CCDC183: variants seen among roughly 807,000 people sequenced by gnomAD.
CCDC183 encodes the protein coiled-coil domain-containing protein 183.
Under a neutral mutation model 65.2 loss-of-function variants are expected in CCDC183, and 63 were observed. The ratio of observed to expected loss-of-function variants is 0.97; its 90% CI spans 0.79 to 1.19. The LOEUF is 1.19. Among genes scored for constraint, CCDC183 ranks in the 50% most tolerant of loss-of-function variants. The pLI, the probability that CCDC183 is intolerant of heterozygous loss-of-function variation, is 0.00. For missense variants in CCDC183, 769 were observed against 689.3 expected (o/e 1.12, Z -1.30); for synonymous variants, 323 against 276.5 (o/e 1.17, Z -1.67).
At position 136,804,997 on chromosome 9, in the gene CCDC183, C is replaced by A; in HGVS notation, c.847+181C>A. The stretch of plus-strand genomic sequence containing the variant: ...GAGAGCCTGTAGCCAAATGTGGCCT[C>A]AGAGATGCTGGCCCCAGCACCCAAG... On this transcript the variant is annotated intron_variant, in intron 8 of 13. Coordinates refer to ENST00000338005, the MANE Select transcript of CCDC183 (RefSeq NM_001039374.5). This position sits in a 1 kb window ranked among gnomAD's most constrained non-coding sequence, Gnocchi z 4.1. The A allele has an allele frequency of 1.6e-6, 1 of 622,340 alleles. No individual in the cohort carries two copies. The highest frequency in any genetic ancestry group is 2.8e-4 in the Middle Eastern group (1 of 3,566). The allele number at this position is 622,340 out of a possible 1,614,324, so 38.6% of individuals were successfully genotyped here.
In CCDC183 at chr9:136,804,205, C is replaced by T; in HGVS notation, c.667-297C>T. 2.7e-6 allele frequency: 1 copy of T among 368,618 alleles called. No individual in the cohort carries two copies. Among genetic ancestry groups the T allele is most frequent in the East Asian group, 5.4e-5 (1 of 18,422 alleles). The allele number at this position is 368,618 out of a possible 1,614,324, so 22.8% of individuals were successfully genotyped here. A position where few individuals can be genotyped will look rare whatever the true frequency, so the allele number is the denominator to read the frequency against. ...GGAAGAGGATGAATCTGTCTTCAGG[C>T]AGGCTGAATGCACTTCCGTGAGTTC... On this transcript the variant is annotated intron_variant, in intron 6 of 13. Coordinates refer to ENST00000338005, the MANE Select transcript of CCDC183 (RefSeq NM_001039374.5). The surrounding 1 kb of genome is among the most constrained non-coding windows in gnomAD (Gnocchi z 4.1).
chr9:136,806,333 C>T lies in CCDC183; in HGVS notation c.1109+95C>T, dbSNP rs956625424. On this transcript the variant is annotated intron_variant, in intron 10 of 13. Coordinates refer to ENST00000338005, the MANE Select transcript of CCDC183 (RefSeq NM_001039374.5). ...TGGGAGCTGGGAGTATACCCACTGC[C>T]AACAAGCCTGTGTGTCCCACAGAGG... The T allele has an allele frequency of 5.4e-5, 77 of 1,423,080 alleles. No individual in the cohort carries two copies. The African/African-American group carries it at 1.0e-3, about 18-fold the overall frequency. The allele number at this position is 1,423,080 out of a possible 1,614,324, so 88.2% of individuals were successfully genotyped here.
At position 136,804,761 on chromosome 9, in the gene CCDC183, G is replaced by A; in HGVS notation, c.793-1G>A. On this transcript the variant is annotated splice_acceptor_variant, in intron 7 of 13. Transcript: ENST00000338005. LOFTEE classifies it high-confidence loss of function. This position sits in a 1 kb window ranked among gnomAD's most constrained non-coding sequence, Gnocchi z 4.1. The stretch of plus-strand genomic sequence containing the variant: ...CCTTCCCCGCCCCCACCTCCCATCA[G>A]GGCCAGATGGACTTGGACTTCCCCT... The A allele has an allele frequency of 6.2e-7, 1 of 1,613,608 alleles. No individual in the cohort carries two copies. Among genetic ancestry groups the A allele is most frequent in the Non-Finnish European group, 8.5e-7 (1 of 1,179,834 alleles).
chr9:136,799,496 G>T, intron 2 of CCDC183: 1 of 681,288 alleles, frequency 1.5e-6, no homozygotes, highest in South Asian at 1.9e-5. Flanking sequence ...GCCAGCTAGG[G>T]GACACCCAGG....
chr9:136,799,572 G>T, intron 2 of CCDC183, 141 bp from the exon 3 acceptor site: 1 of 770,426 alleles, frequency 1.3e-6, no homozygotes, highest in South Asian at 1.7e-5. Context: ...GGGTCCCGCG[G>T]CTCTCTGCTC....
At chr9:136,796,888 A>G (rs1272651675) in intron 1 of CCDC183, among the ~76,000 whole-genome samples, 2 of 152,202 alleles carry the variant, frequency 1.3e-5, no homozygotes, top group Non-Finnish European at 1.5e-5. Context: ...CCACTGAGAC[A>G]GCCTGAGATA....
intron 6 of CCDC183, 81 bp downstream of exon 6, chr9:136,802,867 C>T (rs1847760849): frequency 7.3e-6 from 3 of 410,734 alleles, no homozygotes; most frequent in Admixed American, 4.2e-5. Context: ...GAGCTCAGGG[C>T]CCAGGGCTGG....
chr9:136,804,530 T>C lies in CCDC183; in HGVS notation c.695T>C (p.Phe232Ser). 1 of 1,613,178 alleles carries C rather than the reference T, an allele frequency of 6.2e-7. No individual in the cohort carries two copies. Among genetic ancestry groups the C allele is most frequent in the Middle Eastern group, 1.7e-4 (1 of 6,060 alleles). The change falls in exon 7 of 14, where the codon TTC (phenylalanine) becomes TCC (serine). Residue 232 changes from phenylalanine to serine, a missense_variant. By Grantham distance (155) the Phe-to-Ser change is radical (BLOSUM62 -2). Coordinates refer to ENST00000338005, the MANE Select transcript of CCDC183 (RefSeq NM_001039374.5). The surrounding 1 kb of genome is among the most constrained non-coding windows in gnomAD (Gnocchi z 4.1). ...AACATGAGGCAAAGGGAGGCGTCCT[T>C]CATCGAGGAGCGCCGGGCAAGGGAG... is the stretch of plus-strand genomic sequence containing the variant. ...KRNMRQREAS[F>S]IEERRARENR...
rs1847889168 is a variant in CCDC183, at chr9:136,807,669, G to A, written c.1584G>A (p.Ala528=). 6.2e-7 allele frequency: 1 copy of A among 1,603,034 alleles called. No homozygotes were observed. The highest frequency in any genetic ancestry group is 8.5e-7 in the Non-Finnish European group (1 of 1,175,142). The part of the protein sequence containing the change: ...AQRLIEGKLK[A]AKKKKK ...GGCTAATCGAGGGGAAGCTCAAGGC[G>A]GCCAAGAAAAAGAAGAAGTAGCCCC... Residue 528 remains alanine, a synonymous_variant, in exon 14 of 14, where the codon GCG becomes GCA. Transcript: ENST00000338005.
At position 136,796,481 on chromosome 9, in the gene CCDC183, G is replaced by C; in HGVS notation, c.70+14G>C. On this transcript the variant is annotated intron_variant, in intron 1 of 13. Transcript: ENST00000338005. ...CTCAGCTCCAGGGTGAGCCTGCACC[G>C]CCGTGACCAGTCTCCCTTTCCCGTC... The C allele has an allele frequency of 6.5e-7, 1 of 1,549,594 alleles. No homozygotes were observed.
rs567832158 is a variant in CCDC183 at position 136,798,923 on chromosome 9, T to C, written c.71-179T>C. Among the ~76,000 whole-genome samples the C allele has an allele frequency of 2.5e-4, 38 of 152,328 alleles. No homozygotes were observed. The South Asian group carries it at 7.2e-3, about 29-fold the overall frequency. On this transcript the variant is annotated intron_variant, in intron 1 of 13. Coordinates refer to ENST00000338005, the MANE Select transcript of CCDC183 (RefSeq NM_001039374.5). ...CACTGAGAGCCCTTCAGACAGCTGC[T>C]GCTGGGCAGTGGAGCGGTGTCCCCC...
intron 13 of CCDC183, 59 bp downstream of exon 13, chr9:136,807,125 G>A: frequency 1.3e-6 from 2 of 1,526,500 alleles, no homozygotes; most frequent in Middle Eastern, 3.4e-4. Flanking sequence ...ACAGGTCGGG[G>A]TGGCGCCGGC....
intron 5 of CCDC183, chr9:136,800,722 C>T (rs1847725969): frequency 1.3e-5 from 7 of 546,560 alleles, no homozygotes; most frequent in South Asian, 4.2e-5. Flanking sequence ...CTTTCTTGCA[C>T]GTATTAAATG....
At position 136,806,771 on chromosome 9, in the gene CCDC183, C is replaced by G; in HGVS notation, c.1293C>G (p.Leu431=). The G allele has an allele frequency of 1.2e-6, 2 of 1,613,546 alleles. No individual in the cohort carries two copies. The highest frequency in any genetic ancestry group is 1.7e-6 in the Non-Finnish European group (2 of 1,180,020). ...CCGGCCTACAGAGAGAAGTGGTGCTCTCCAACACCCTCGATTTGAACAGCA... is the reference window on the plus strand; with the variant it reads ...CCGGCCTACAGAGAGAAGTGGTGCTGTCCAACACCCTCGATTTGAACAGCA... ...NLPATQREVV[L]SNTLDLNSKL... The change falls in exon 12 of 14, where the codon CTC becomes CTG. Residue 431 remains leucine, a synonymous_variant. Coordinates refer to ENST00000338005, the MANE Select transcript of CCDC183 (RefSeq NM_001039374.5).
chr9:136,801,444 G>A (rs575412011), intron 5 of CCDC183, among the ~76,000 whole-genome samples: 1 of 152,154 alleles, frequency 6.6e-6, no homozygotes, highest in Admixed American at 6.5e-5. Context: ...GGTGGCTCAT[G>A]CCTGTAATCC....
Position 136,799,108 on chromosome 9 carries a change from G to A in CCDC183, c.77G>A (p.Cys26Tyr). ...CCCCTCCACCTGCCCACAGAGCAGTGTCGGGCACTCCAGATCCAAGGGGTG... is the reference window on the plus strand; with the variant it reads ...CCCCTCCACCTGCCCACAGAGCAGTATCGGGCACTCCAGATCCAAGGGGTG... ...LKTITQLQEQ[C>Y]RALQIQGVKE... Residue 26 changes from cysteine to tyrosine, a missense_variant, in exon 2 of 14, where the codon TGT (cysteine) becomes TAT (tyrosine). Physicochemically the swap from Cys to Tyr is radical, Grantham distance 194. Coordinates refer to ENST00000338005, the MANE Select transcript of CCDC183 (RefSeq NM_001039374.5). 6.2e-7 allele frequency: 1 copy of A among 1,613,248 alleles called. No homozygotes were observed. Among genetic ancestry groups the A allele is most frequent in the Non-Finnish European group, 8.5e-7 (1 of 1,179,794 alleles).
At chr9:136,806,345 G>A in intron 10 of CCDC183, 107 bp downstream of exon 10, 1 of 1,402,870 alleles carries the variant, frequency 7.1e-7, no homozygotes, top group Admixed American at 2.1e-5. Flanking sequence ...ACAAGCCTGT[G>A]TGTCCCACAG....
chr9:136,805,571 G>A, intron 9 of CCDC183, 114 bp downstream of exon 9: 1 of 908,086 alleles, frequency 1.1e-6, no homozygotes, highest in Non-Finnish European at 1.7e-6. Flanking sequence ...AGCTGGGCTG[G>A]GGTCTGAGGC....
intron 13 of CCDC183, 29 bp from the exon 14 acceptor site, chr9:136,807,543 C>G (rs1262033334): frequency 1.9e-6 from 3 of 1,569,014 alleles, no homozygotes; most frequent in African/African-American, 2.7e-5. Flanking sequence ...GGGCTAGCCC[C>G]GTGTGCGAGC....
Sources: allele counts gnomAD v4.1 joint callset (sites outside exome capture counted in the v4.1 genomes callset), GRCh38; gene constraint gnomAD v4.1.1; non-coding constraint Gnocchi (gnomAD v3.1); transcripts MANE v1.5; gene names NCBI Gene and HGNC (gene_info 2026-07-23, HGNC 2026-07-21).